SRL: variants seen among roughly 807,000 people sequenced by gnomAD.
SRL encodes the protein sarcalumenin.
A neutral mutation model predicts 39.5 loss-of-function variants in SRL; 23 were observed. That is an observed-to-expected ratio of 0.58 (90% CI 0.42 to 0.82). SRL has a LOEUF of 0.82. Ranked by LOEUF, SRL falls within the 40% of genes least tolerant of loss-of-function variation. The pLI, the probability that SRL is intolerant of heterozygous loss-of-function variation, is 0.00. For missense variants in SRL, 592 were observed against 607.8 expected (o/e 0.97, Z 0.27); for synonymous variants, 272 against 237.4 (o/e 1.15, Z -1.34).
chr16:4,213,469 G>A lies in SRL; in HGVS notation c.62-8835C>T, dbSNP rs190688748. Among the ~76,000 whole-genome samples, 48 of 131,342 alleles carry A rather than the reference G, an allele frequency of 3.7e-4. 2 individuals are homozygous for A. The East Asian group carries it at 7.2e-3, about 20-fold the overall frequency. 86.2% of individuals were successfully genotyped at this position (131,342 alleles called of 152,430 possible). A position where few individuals can be genotyped will look rare whatever the true frequency, so the allele number is the denominator to read the frequency against. On this transcript the variant is annotated intron_variant, in intron 1 of 5. Transcript: ENST00000399609. ...CTGTCGCCCAGGTTGGGGTTCAATG[G>A]CACAATGACACCTCACTGCAGCCTC... is the stretch of plus-strand genomic sequence containing the variant.
At chr16:4,196,471 CTTTTTTTTTTTT>C (rs35980213) in intron 4 of SRL, among the ~76,000 whole-genome samples, 3 of 123,746 alleles carry the variant, frequency 2.4e-5, no homozygotes, top group Non-Finnish European at 5.0e-5. Context: ...ATTTTGCCTT[CTTTTTTTTTTTT>C]TTTTTTTTTC....
At chr16:4,206,546 C>G (rs1341576441) in intron 1 of SRL, among the ~76,000 whole-genome samples, 5 of 152,068 alleles carry the variant, frequency 3.3e-5, no homozygotes, top group Admixed American at 1.3e-4. Context: ...CTCACTGGCC[C>G]CTCCAAGCTG....
rs549799216 is a variant in SRL at position 4,228,733 on chromosome 16, T to A, written c.61+13274A>T. ...CTGGGTGACAGAGCAAGACTCCGTCTCAAAAAAAAAAGAAAAAAAGAAAGA... is the reference window on the plus strand; with the variant it reads ...CTGGGTGACAGAGCAAGACTCCGTCACAAAAAAAAAAGAAAAAAAGAAAGA... On this transcript the variant is annotated intron_variant, in intron 1 of 5. Coordinates refer to ENST00000399609, the MANE Select transcript of SRL (RefSeq NM_001098814.2). Among the ~76,000 whole-genome samples the A allele has an allele frequency of 7.9e-3, 1,176 of 148,438 alleles. 12 individuals carry two copies. Among genetic ancestry groups the A allele is most frequent in the African/African-American group, 0.028 (1,111 of 40,114 alleles).
At position 4,190,230 on chromosome 16, in the gene SRL, G is replaced by A. The variant is rs1015273854; in HGVS notation, c.*1923C>T. 24 of 398,594 alleles carry A rather than the reference G, an allele frequency of 6.0e-5. No homozygotes were observed. The highest frequency in any genetic ancestry group is 8.8e-5 in the Non-Finnish European group (20 of 226,204). The allele number at this position is 398,594 out of a possible 1,614,324, so 24.7% of individuals were successfully genotyped here. ...TCTGAGAACCGGGAATTCCTAACTCGAGGTTCTCCTCATAGACCTAACCTG... is the reference window on the plus strand; with the variant it reads ...TCTGAGAACCGGGAATTCCTAACTCAAGGTTCTCCTCATAGACCTAACCTG... On this transcript the variant is annotated 3_prime_UTR_variant, in exon 6 of 6. Coordinates refer to ENST00000399609, the MANE Select transcript of SRL (RefSeq NM_001098814.2).
chr16:4,227,060 A>ATAGG (rs1567188234), intron 1 of SRL, among the ~76,000 whole-genome samples: 2 of 149,516 alleles, frequency 1.3e-5, no homozygotes, highest in African/African-American at 5.0e-5. Flanking sequence ...GAATGGATGG[A>ATAGG]TGGATGGATG....
At chr16:4,238,655 C>T (rs553620798) in intron 1 of SRL, among the ~76,000 whole-genome samples, 6 of 150,962 alleles carry the variant, frequency 4.0e-5, no homozygotes, top group African/African-American at 7.3e-5. Context: ...GACAAGGTCT[C>T]GCTCTGTCAC....
chr16:4,208,381 G>A (rs913002328), intron 1 of SRL, among the ~76,000 whole-genome samples: 18 of 152,120 alleles, frequency 1.2e-4, no homozygotes, highest in African/African-American at 3.6e-4. Flanking sequence ...GTGCTAACCC[G>A]AGAACCGCCC....
At chr16:4,208,128 T>A in intron 1 of SRL, 1 of 423,776 alleles carries the variant, frequency 2.4e-6, no homozygotes, top group Non-Finnish European at 4.7e-6. Context: ...ACATGATTGG[T>A]CAGTTTCACA....
intron 1 of SRL, among the ~76,000 whole-genome samples, chr16:4,237,342 C>A (rs2052724302): frequency 6.6e-6 from 1 of 152,116 alleles, no homozygotes. Context: ...GTAAGGGCCC[C>A]CTCCCCTGGC....
chr16:4,218,036 G>A (rs778905522), intron 1 of SRL, among the ~76,000 whole-genome samples: 85 of 152,286 alleles, frequency 5.6e-4, no homozygotes, highest in Non-Finnish European at 9.4e-4. Context: ...GTCTGGGAAC[G>A]GAGCAGGCTG....
chr16:4,223,800 G>C lies in SRL; in HGVS notation c.61+18207C>G, dbSNP rs573217547. On this transcript the variant is annotated intron_variant, in intron 1 of 5. Coordinates refer to ENST00000399609, the MANE Select transcript of SRL (RefSeq NM_001098814.2). ...GCCAATCTAAGCCCATCTTCCCAGA[G>C]ACCTACGGGTTGCAAAGGGTGGAGG... is the stretch of plus-strand genomic sequence containing the variant. Among the ~76,000 whole-genome samples, 61 of 152,212 alleles carry C rather than the reference G, an allele frequency of 4.0e-4. 1 individual carries two copies. The highest frequency in any genetic ancestry group is 1.4e-3 in the African/African-American group (60 of 41,532).
intron 1 of SRL, among the ~76,000 whole-genome samples, chr16:4,235,095 C>G (rs978160933): frequency 1.3e-5 from 2 of 152,130 alleles, no homozygotes; most frequent in South Asian, 4.1e-4. Context: ...AGGGGCCCAG[C>G]CTGAGTAGGG....
chr16:4,234,891 G>A (rs537012651), intron 1 of SRL, among the ~76,000 whole-genome samples: 7 of 152,326 alleles, frequency 4.6e-5, no homozygotes, highest in East Asian at 3.9e-4. Flanking sequence ...GGAACTTTGG[G>A]TGAGACCTTG....
chr16:4,200,464 A>G (rs956647998), intron 3 of SRL, among the ~76,000 whole-genome samples: 12 of 152,298 alleles, frequency 7.9e-5, no homozygotes, highest in South Asian at 4.1e-4. Context: ...AGAGGTTACA[A>G]GGAAGCTGGC....
At chr16:4,200,619 T>G (rs1472758277) in intron 3 of SRL, among the ~76,000 whole-genome samples, 1 of 152,244 alleles carries the variant, frequency 6.6e-6, no homozygotes, top group East Asian at 1.9e-4. Context: ...GGGCCAAGAC[T>G]CCGGGTCTTA....
chr16:4,199,759 C>T (rs1178218713), intron 3 of SRL, among the ~76,000 whole-genome samples: 1 of 142,098 alleles, frequency 7.0e-6, no homozygotes, highest in Admixed American at 7.5e-5. Context: ...TGCAGTGGCA[C>T]AATCTCAGCT....
intron 1 of SRL, among the ~76,000 whole-genome samples, chr16:4,212,994 A>G (rs1398342476): frequency 1.3e-5 from 2 of 152,210 alleles, no homozygotes; most frequent in Non-Finnish European, 1.5e-5. Context: ...CGTGAGTCCA[A>G]CTGTAAAGGA....
chr16:4,195,626 G>A lies in SRL; in HGVS notation c.537C>T (p.Pro179=). The A allele has an allele frequency of 6.2e-7, 1 of 1,614,166 alleles. No individual in the cohort carries two copies. Among genetic ancestry groups the A allele is most frequent in the Non-Finnish European group, 8.5e-7 (1 of 1,180,038 alleles). The part of the protein sequence containing the change: ...FLEKLIGIEV[P]HKLLERVTFV... ...AAGTGACCCTCTCCAGAAGTTTGTGGGGAACCTCAATGCCAATCAGCTTCT... is the reference window on the plus strand; with the variant it reads ...AAGTGACCCTCTCCAGAAGTTTGTGAGGAACCTCAATGCCAATCAGCTTCT... The change falls in exon 5 of 6, where the codon CCC becomes CCT. Residue 179 remains proline, a synonymous_variant. Transcript: ENST00000399609.
intron 1 of SRL, chr16:4,206,916 G>C (rs112201805): frequency 3.5e-5 from 16 of 456,358 alleles, no homozygotes; most frequent in Middle Eastern, 3.3e-4. Context: ...GGGTTCCCTG[G>C]CTTCCTGGGG....
Sources: gnomAD v4.1 joint callset for allele counts (sites outside exome capture counted in the v4.1 genomes callset) on GRCh38, gnomAD v4.1.1 for gene constraint, MANE v1.5 for transcripts, NCBI Gene and HGNC (gene_info 2026-07-23, HGNC 2026-07-21) for gene names.